The following NKAIN1 variants were observed in gnomAD, a reference collection of about 807,000 sequenced individuals.
NKAIN1 encodes sodium/potassium transporting ATPase interacting 1.
Under a neutral mutation model 31.6 loss-of-function variants are expected in NKAIN1, and 13 were observed. That is an observed-to-expected ratio of 0.41 (90% CI 0.27 to 0.65). The LOEUF is 0.65. Among genes scored for constraint, NKAIN1 ranks in the 30% least tolerant of loss-of-function variants. The pLI, the probability that NKAIN1 is intolerant of heterozygous loss-of-function variation, is 0.30. For missense variants in NKAIN1, 193 were observed against 262.2 expected, an observed-to-expected ratio of 0.74 and a Z score of 1.82; for synonymous variants, 104 against 109.0, an observed-to-expected ratio of 0.95 and a Z score of 0.28.
chr1:31,237,974 A>G (rs1190720628), intron 1 of NKAIN1, among the ~76,000 whole-genome samples: 1 of 152,190 alleles, frequency 6.6e-6, no homozygotes, highest in Non-Finnish European at 1.5e-5. Context: ...TGTTCCTCAA[A>G]GTAGATAAAG....
chr1:31,235,391 A>C (rs1379428262), intron 1 of NKAIN1, among the ~76,000 whole-genome samples: 1 of 152,240 alleles, frequency 6.6e-6, no homozygotes, highest in East Asian at 1.9e-4. Flanking sequence ...GATGTTCTAC[A>C]GAAAGGAACC....
chr1:31,193,042 C>G (rs1398927492), intron 1 of NKAIN1, among the ~76,000 whole-genome samples: 5 of 149,310 alleles, frequency 3.3e-5, no homozygotes, highest in African/African-American at 9.7e-5. Flanking sequence ...TATAAACAAT[C>G]TCAATTTTAT....
chr1:31,214,465 A>G (rs1645494938), intron 1 of NKAIN1, among the ~76,000 whole-genome samples: 2 of 152,232 alleles, frequency 1.3e-5, no homozygotes, highest in South Asian at 2.1e-4. Context: ...AGTTAAAAAA[A>G]AAAAAAAAGA....
intron 1 of NKAIN1, among the ~76,000 whole-genome samples, chr1:31,209,214 A>G (rs1645447828): frequency 6.6e-6 from 1 of 152,160 alleles, no homozygotes; most frequent in Non-Finnish European, 1.5e-5. Context: ...GTCTCTACTA[A>G]AAACACAAAA....
intron 1 of NKAIN1, among the ~76,000 whole-genome samples, chr1:31,225,985 C>T (rs964785419): frequency 5.3e-5 from 8 of 152,210 alleles, no homozygotes; most frequent in Non-Finnish European, 1.0e-4. Context: ...CTTCTTGAGC[C>T]TTAAGTTGCT....
intron 1 of NKAIN1, among the ~76,000 whole-genome samples, chr1:31,193,100 A>G (rs1424467910): frequency 6.7e-6 from 1 of 148,550 alleles, no homozygotes; most frequent in African/African-American, 2.5e-5. Flanking sequence ...ACGGAGTCTC[A>G]CTCTGTCTCC....
intron 1 of NKAIN1, among the ~76,000 whole-genome samples, chr1:31,219,599 C>A (rs1645546356): frequency 6.6e-6 from 1 of 152,218 alleles, no homozygotes; most frequent in Non-Finnish European, 1.5e-5. Context: ...ACAGAAGGCC[C>A]CCTAATGCTT....
chr1:31,226,205 G>A (rs757743753), intron 1 of NKAIN1, among the ~76,000 whole-genome samples: 27 of 152,162 alleles, frequency 1.8e-4, no homozygotes, highest in African/African-American at 6.0e-4. Context: ...CCAGCATCCC[G>A]CGTTAAGCGC....
At chr1:31,186,514 T>C (rs1035390215) in intron 2 of NKAIN1, among the ~76,000 whole-genome samples, 2 of 151,334 alleles carry the variant, frequency 1.3e-5, no homozygotes, top group Non-Finnish European at 2.9e-5. Flanking sequence ...GCCTTGTGCC[T>C]GAGTATGTGT....
chr1:31,232,408 TATATATATATATATATAGAGAGAG>T (rs1479399947), intron 1 of NKAIN1, among the ~76,000 whole-genome samples: 1 of 29,394 alleles, frequency 3.4e-5, no homozygotes, highest in African/African-American at 1.1e-4. Flanking sequence ...TATATATATA[TATATATATATATATATAGAGAGAG>T]AGAGAGAGAG....
chr1:31,181,277 G>A lies in NKAIN1; in HGVS notation c.*426C>T. ...CCAGGAATCCTGCTCCTAGTTCACAGTAGCTTTCCCCAGAGCTGGTGAGTG... is the reference window on the plus strand; with the variant it reads ...CCAGGAATCCTGCTCCTAGTTCACAATAGCTTTCCCCAGAGCTGGTGAGTG... On this transcript the variant is annotated 3_prime_UTR_variant, in exon 7 of 7. Transcript: ENST00000373736. The A allele has an allele frequency of 5.6e-6, 1 of 179,058 alleles. No homozygotes were observed. The highest frequency in any genetic ancestry group is 1.4e-4 in the East Asian group (1 of 7,256). 11.1% of individuals were successfully genotyped at this position (179,058 alleles called of 1,614,324 possible). A position where few individuals can be genotyped will look rare whatever the true frequency, so the allele number is the denominator to read the frequency against.
At chr1:31,223,857 T>C (rs192821123) in intron 1 of NKAIN1, among the ~76,000 whole-genome samples, 3 of 152,356 alleles carry the variant, frequency 2.0e-5, no homozygotes, top group African/African-American at 7.2e-5. Context: ...TAGTCTTCAT[T>C]CACTACAATC....
At chr1:31,185,158 A>T in intron 3 of NKAIN1, 89 bp downstream of exon 3, 1 of 1,000,336 alleles carries the variant, frequency 1.0e-6, no homozygotes, top group South Asian at 1.4e-5. Flanking sequence ...TCGAGACATG[A>T]TGCTCTGGTC....
intron 1 of NKAIN1, among the ~76,000 whole-genome samples, chr1:31,190,461 AC>A (rs1645276693): frequency 6.6e-6 from 1 of 152,194 alleles, no homozygotes; most frequent in African/African-American, 2.4e-5. Flanking sequence ...AGGGGAAGTG[AC>A]TTGTCCAAGG....
chr1:31,183,751 C>T, intron 4 of NKAIN1, 66 bp downstream of exon 4: 1 of 1,517,596 alleles, frequency 6.6e-7, no homozygotes, highest in Non-Finnish European at 9.0e-7. Context: ...CCCAACCCAT[C>T]CCCTCAACCA....
intron 1 of NKAIN1, among the ~76,000 whole-genome samples, chr1:31,217,613 C>A (rs1334920550): frequency 6.6e-6 from 1 of 152,246 alleles, no homozygotes; most frequent in Non-Finnish European, 1.5e-5. Context: ...GAGTAGCTGA[C>A]TGCTTCCACC....
chr1:31,239,539 C>G lies in NKAIN1; in HGVS notation c.9G>C (p.Lys3Asn), dbSNP rs1018878038. The change falls in exon 1 of 7, where the codon AAG becomes AAC. Residue 3 changes from lysine to asparagine, a missense_variant. Transcript: ENST00000373736. The surrounding 1 kb of genome is among the most constrained non-coding windows in gnomAD (Gnocchi z 4.8). ...CGACCAGCGTGCAGCGCCCGCTGCA[C>G]TTGCCCATGGCTCCGGGGGCTGCGC... MG[K>N]CSGRCTLVAF... The G allele has an allele frequency of 4.6e-5, 61 of 1,332,142 alleles. No individual in the cohort carries two copies. The highest frequency in any genetic ancestry group is 5.6e-5 in the Non-Finnish European group (59 of 1,045,410). 82.5% of individuals were successfully genotyped at this position (1,332,142 alleles called of 1,614,324 possible).
intron 1 of NKAIN1, among the ~76,000 whole-genome samples, chr1:31,234,381 C>T (rs944020841): frequency 7.2e-5 from 11 of 152,088 alleles, no homozygotes; most frequent in African/African-American, 2.2e-4. Context: ...TTGCTAATAA[C>T]GACATCAATC....
intron 1 of NKAIN1, among the ~76,000 whole-genome samples, chr1:31,209,465 T>G (rs10798827): frequency 0.75 from 113,952 of 152,010 alleles, 43,238 homozygotes; most frequent in Middle Eastern, 0.9. Flanking sequence ...CAACAGCAGA[T>G]TCCACCTCCA....
Sources: allele counts gnomAD v4.1 joint callset (sites outside exome capture counted in the v4.1 genomes callset), GRCh38; gene constraint gnomAD v4.1.1; non-coding constraint Gnocchi (gnomAD v3.1); transcripts MANE v1.5; gene names NCBI Gene and HGNC (gene_info 2026-07-23, HGNC 2026-07-21).